The following NCAPG2 variants were observed in gnomAD, a reference collection of about 807,000 sequenced individuals.
NCAPG2 encodes non-SMC condensin II complex subunit G2, also known as condensin-2 complex subunit G2.
NCAPG2 carries 53 observed loss-of-function variants against 141.1 expected under a neutral mutation model. The ratio of observed to expected loss-of-function variants is 0.38; its 90% CI spans 0.30 to 0.47. The LOEUF (loss-of-function observed/expected upper bound fraction) is 0.47. Ranked by LOEUF, NCAPG2 falls within the 20% of genes least tolerant of loss-of-function variation. The probability of loss-of-function intolerance (pLI) is 0.99; values close to 1 mark genes in which losing one functional copy is unlikely to be tolerated. For missense variants in NCAPG2, 1,087 were observed against 1,389.0 expected, an observed-to-expected ratio of 0.78 and a Z score of 3.46; for synonymous variants, 499 against 490.7, an observed-to-expected ratio of 1.02 and a Z score of -0.22.
At chr7:158,667,461 C>T (rs111569765) in intron 13 of NCAPG2, among the ~76,000 whole-genome samples, 14 of 138,300 alleles carry the variant, frequency 1.0e-4, no homozygotes, top group East Asian at 2.4e-4. Flanking sequence ...GGTCCCTCCG[C>T]CCGCCTTACC....
At chr7:158,639,675 T>C in intron 27 of NCAPG2, 1 of 183,564 alleles carries the variant, frequency 5.4e-6, no homozygotes, top group Non-Finnish European at 1.0e-5. Flanking sequence ...GGTATGTTGT[T>C]CCACAGCATC....
At chr7:158,664,472 T>C (rs1832766893) in intron 14 of NCAPG2, 56 bp downstream of exon 14, 1 of 1,575,970 alleles carries the variant, frequency 6.3e-7, no homozygotes, top group Non-Finnish European at 8.7e-7. Context: ...CTGTAATTTG[T>C]ATTATGCTTT....
intron 12 of NCAPG2, among the ~76,000 whole-genome samples, chr7:158,675,236 T>G (rs932695191): frequency 6.6e-6 from 1 of 152,200 alleles, no homozygotes; most frequent in Non-Finnish European, 1.5e-5. Context: ...GAGAATAAAT[T>G]CAACAGTACT....
In NCAPG2 at chr7:158,655,199, T is replaced by G. The variant is rs981765248; in HGVS notation, c.2565A>C (p.Glu855Asp). 5 of 1,614,174 alleles carry G rather than the reference T, an allele frequency of 3.1e-6. No individual in the cohort carries two copies. Among genetic ancestry groups the G allele is most frequent in the Middle Eastern group, 1.6e-4 (1 of 6,062 alleles). ...CTTGAATAAAAGATAAAATTTTGCT[T>G]TCTAACCAAAAGCCAGTGTCTTCCA... ...SMLEDTGFWL[E>D]SKILSFIQDQ... Residue 855 changes from glutamate (E) to aspartate (D), a missense_variant, in exon 21 of 28, where the codon GAA (glutamate) becomes GAC (aspartate). Transcript: ENST00000356309.
chr7:158,664,485 G>A, intron 14 of NCAPG2, 43 bp downstream of exon 14: 1 of 1,587,670 alleles, frequency 6.3e-7, no homozygotes, highest in Non-Finnish European at 8.6e-7. Flanking sequence ...TATGCTTTTG[G>A]GGGAAAACAT....
intron 12 of NCAPG2, among the ~76,000 whole-genome samples, chr7:158,673,859 A>G (rs1339309862): frequency 6.6e-6 from 1 of 152,242 alleles, no homozygotes; most frequent in African/African-American, 2.4e-5. Context: ...CTGAGGTTTT[A>G]CCACAACATC....
intron 15 of NCAPG2, among the ~76,000 whole-genome samples, 154 bp downstream of exon 15, chr7:158,664,030 C>T (rs1250100549): frequency 6.6e-6 from 1 of 152,238 alleles, no homozygotes. Flanking sequence ...TATAGCAATT[C>T]TTTCACAAAT....
chr7:158,696,139 G>A (rs1306631354), intron 2 of NCAPG2: 1 of 152,302 alleles, frequency 6.6e-6, no homozygotes, highest in Non-Finnish European at 1.5e-5. Context: ...GGGGACACAT[G>A]CCTGTGCTTA....
At chr7:158,664,837 A>G (rs2129460459) in intron 13 of NCAPG2, 87 bp from the exon 14 acceptor site, 1 of 1,108,086 alleles carries the variant, frequency 9.0e-7, no homozygotes, top group Admixed American at 2.9e-5. Context: ...AAGCACAACC[A>G]AAAAAGGAAC....
chr7:158,694,796 C>T (rs2129469306), intron 2 of NCAPG2, among the ~76,000 whole-genome samples: 1 of 152,102 alleles, frequency 6.6e-6, no homozygotes, highest in South Asian at 2.1e-4. Context: ...CTTCTTAGCG[C>T]TCCTTCATTT....
chr7:158,641,905 G>A (rs1473912842), intron 27 of NCAPG2, among the ~76,000 whole-genome samples: 3 of 152,150 alleles, frequency 2.0e-5, no homozygotes, highest in African/African-American at 7.2e-5. Context: ...TGGATATAAT[G>A]GACGTCTACA....
At chr7:158,655,531 G>GAA (rs1831848639) in intron 19 of NCAPG2, 76 bp from the exon 20 acceptor site, 1 of 1,241,870 alleles carries the variant, frequency 8.1e-7, no homozygotes, top group South Asian at 1.2e-5. Flanking sequence ...AGAACAATGG[G>GAA]AAGCACCTGA....
intron 14 of NCAPG2, 75 bp from the exon 15 acceptor site, chr7:158,664,371 T>G: frequency 1.3e-6 from 2 of 1,517,726 alleles, no homozygotes; most frequent in Non-Finnish European, 1.8e-6. Context: ...AGTGAAATTA[T>G]AATCCCAATT....
intron 13 of NCAPG2, among the ~76,000 whole-genome samples, chr7:158,669,796 A>AAAAAAAAAT (rs1833560907): frequency 7.0e-6 from 1 of 142,584 alleles, no homozygotes; most frequent in South Asian, 2.3e-4. Flanking sequence ...AAAAAAAAAA[A>AAAAAAAAAT]TTGACATGCT....
rs538278988 is a variant in NCAPG2 at position 158,676,723 on chromosome 7, T to C, written c.1147-1067A>G. 3.3e-5 allele frequency among the ~76,000 whole-genome samples: 5 copies of C among 152,298 alleles called. No individual in the cohort carries two copies. The South Asian group carries it at 1.0e-3, about 32-fold the overall frequency. On this transcript the variant is annotated intron_variant, in intron 11 of 27. Transcript: ENST00000356309. ...GTCTCTTTTTTATTATGCATGACAT[T>C]TTCTATTAGAAACGTTGAAAAACAC...
intron 6 of NCAPG2, among the ~76,000 whole-genome samples, chr7:158,688,318 A>G (rs1304145664): frequency 6.6e-6 from 1 of 152,264 alleles, no homozygotes; most frequent in Non-Finnish European, 1.5e-5. Flanking sequence ...CTTAAATTCA[A>G]AGGAGACATC....
intron 27 of NCAPG2, among the ~76,000 whole-genome samples, chr7:158,637,138 G>A (rs1288664127): frequency 3.9e-5 from 6 of 151,950 alleles, no homozygotes; most frequent in Non-Finnish European, 7.4e-5. Context: ...TAGTAGAGAC[G>A]GGGTTTCACC....
chr7:158,634,519 C>T lies in NCAPG2; in HGVS notation c.3381-2802G>A, dbSNP rs73730474. Among the ~76,000 whole-genome samples the T allele has an allele frequency of 6.6e-4, 101 of 152,226 alleles. 2 individuals carry two copies. In the South Asian group the frequency reaches 0.018, roughly 28 times the overall value. On this transcript the variant is annotated intron_variant, in intron 27 of 27. Transcript: ENST00000356309. ...GTCAAACTATGGTTGGTTGGATTTA[C>T]GAACGTGGAACCCATGGATACGGAG...
chr7:158,650,780 A>G, intron 24 of NCAPG2, 52 bp downstream of exon 24: 1 of 1,554,010 alleles, frequency 6.4e-7, no homozygotes, highest in East Asian at 2.3e-5. Context: ...TAGAAACACC[A>G]TCTTGTGTCA....
Sources: gnomAD v4.1 joint callset for allele counts (sites outside exome capture counted in the v4.1 genomes callset) on GRCh38, gnomAD v4.1.1 for gene constraint, MANE v1.5 for transcripts, NCBI Gene and HGNC (gene_info 2026-07-23, HGNC 2026-07-21) for gene names.